CHEK2: variants seen among roughly 807,000 people sequenced by gnomAD.
CHEK2 encodes checkpoint kinase 2, also known as serine/threonine-protein kinase Chk2.
CHEK2 carries 71 observed loss-of-function variants against 69.1 expected under a neutral mutation model. That is an observed-to-expected ratio of 1.03 (90% CI 0.85 to 1.25). The LOEUF (loss-of-function observed/expected upper bound fraction) is 1.25, where lower values mean the gene tolerates loss of function less well. CHEK2 is among the 50% of genes most tolerant of loss of function. CHEK2 has a pLI of 0.00. For missense variants in CHEK2, 664 were observed against 649.6 expected (o/e 1.02, Z -0.24); for synonymous variants, 189 against 226.9 (o/e 0.83, Z 1.50).
At chr22:28,720,319 G>C (rs894381729) in intron 4 of CHEK2, among the ~76,000 whole-genome samples, 2 of 150,802 alleles carry the variant, frequency 1.3e-5, no homozygotes, top group Non-Finnish European at 2.9e-5. Flanking sequence ...TCGAACTCCT[G>C]ACCTCAGGTG....
At chr22:28,690,756 T>C (rs959888065) in intron 13 of CHEK2, among the ~76,000 whole-genome samples, 3 of 150,574 alleles carry the variant, frequency 2.0e-5, no homozygotes, top group Non-Finnish European at 2.9e-5. Context: ...ATCATGCCAC[T>C]GCACTCCAGC....
chr22:28,733,867 C>A (rs1421370493), intron 2 of CHEK2, among the ~76,000 whole-genome samples: 3 of 149,586 alleles, frequency 2.0e-5, no homozygotes, highest in African/African-American at 7.4e-5. Flanking sequence ...TGCAGTGAGC[C>A]GAGCCGAGAT....
intron 7 of CHEK2, among the ~76,000 whole-genome samples, chr22:28,708,628 T>C (rs2053259704): frequency 6.6e-6 from 1 of 151,746 alleles, no homozygotes. Flanking sequence ...TTTGGAGAGG[T>C]AGAAAAAGAG....
chr22:28,708,215 G>T (rs923427506), intron 7 of CHEK2, among the ~76,000 whole-genome samples: 1 of 152,044 alleles, frequency 6.6e-6, no homozygotes, highest in African/African-American at 2.4e-5. Context: ...TCCCAGCAGG[G>T]TATGGTGTGG....
intron 5 of CHEK2, among the ~76,000 whole-genome samples, chr22:28,717,754 C>T (rs950709009): frequency 6.6e-6 from 1 of 152,034 alleles, no homozygotes; most frequent in African/African-American, 2.4e-5. Context: ...TGGCGGGCAC[C>T]TGTAATCCCA....
At chr22:28,712,111 C>CATTCCATATTAGAATTTACAGAA in intron 5 of CHEK2, 94 bp from the exon 6 acceptor site, 1 of 887,594 alleles carries the variant, frequency 1.1e-6, no homozygotes. Flanking sequence ...AATTTACAGA[C>CATTCCATATTAGAATTTACAGAA]ATTCCATATA....
In CHEK2 at chr22:28,734,714, C is replaced by A. The variant is rs779607427; in HGVS notation, c.8G>T (p.Arg3Leu). Residue 3 changes from arginine to leucine, a missense_variant, in exon 2 of 15, where the codon CGG becomes CTG. Transcript: ENST00000404276. ...CTGCTGAGCCTCAACATCCGACTCCCGAGACATCACGACCTCAAAAAGAAA... is the reference window on the plus strand; with the variant it reads ...CTGCTGAGCCTCAACATCCGACTCCAGAGACATCACGACCTCAAAAAGAAA... Reference protein sequence around the residue: MSRESDVEAQQSH... With the variant: MSLESDVEAQQSH... The A allele has an allele frequency of 6.2e-6, 10 of 1,612,972 alleles. No individual in the cohort carries two copies. In the African/African-American group the frequency reaches 6.7e-5, roughly 11 times the overall value.
chr22:28,718,291 G>C (rs775837197), intron 5 of CHEK2, among the ~76,000 whole-genome samples: 1 of 152,140 alleles, frequency 6.6e-6, no homozygotes, highest in Admixed American at 6.6e-5. Context: ...TGTTGGAGAG[G>C]ATGTGAAGAA....
intron 4 of CHEK2, among the ~76,000 whole-genome samples, chr22:28,721,074 A>G (rs777488213): frequency 6.6e-6 from 1 of 152,220 alleles, no homozygotes; most frequent in Non-Finnish European, 1.5e-5. Context: ...GGATGTTCAC[A>G]TTACCACTGT....
In CHEK2 at chr22:28,724,964, A is replaced by C. The variant is rs1057521311; in HGVS notation, c.592+13T>G. The C allele has an allele frequency of 6.2e-7, 1 of 1,613,074 alleles. No homozygotes were observed. The highest frequency in any genetic ancestry group is 1.7e-5 in the Admixed American group (1 of 59,980). On this transcript the variant is annotated intron_variant, in intron 4 of 14. Transcript: ENST00000404276. ...AAAAAAAAATTCCAGTAACCATAAG[A>C]TAATAATATTACCTTTATTTCTGCT...
At chr22:28,697,846 G>A (rs1300130304) in intron 9 of CHEK2, among the ~76,000 whole-genome samples, 1 of 151,778 alleles carries the variant, frequency 6.6e-6, no homozygotes. Flanking sequence ...AAAGTGCTGG[G>A]ATTACAGGCA....
In CHEK2 at chr22:28,734,692, C is replaced by G. The variant is rs1330700030; in HGVS notation, c.30G>C (p.Gln10His). The G allele has an allele frequency of 6.2e-7, 1 of 1,613,700 alleles. No homozygotes were observed. The highest frequency in any genetic ancestry group is 8.5e-7 in the Non-Finnish European group (1 of 1,179,986). MSRESDVEA[Q>H]QSHGSSACSQ... Reference sequence around the variant, plus strand: ...AACAGGCACTGCTGCCATGAGACTGCTGAGCCTCAACATCCGACTCCCGAG... The same window carrying G: ...AACAGGCACTGCTGCCATGAGACTGGTGAGCCTCAACATCCGACTCCCGAG... The change falls in exon 2 of 15, where the codon CAG becomes CAC. Residue 10 changes from glutamine (Q) to histidine (H), a missense_variant. Transcript: ENST00000404276.
At chr22:28,735,912 T>C (rs367675714) in intron 1 of CHEK2, among the ~76,000 whole-genome samples, 3 of 151,738 alleles carry the variant, frequency 2.0e-5, no homozygotes, top group East Asian at 3.9e-4. Flanking sequence ...ATAAATAAAA[T>C]TTTAAAATAA....
chr22:28,714,830 G>A (rs961533334), intron 5 of CHEK2, among the ~76,000 whole-genome samples: 3 of 152,062 alleles, frequency 2.0e-5, no homozygotes, highest in African/African-American at 7.2e-5. Flanking sequence ...TGAGGTAAGG[G>A]TCCATGTAAC....
At chr22:28,731,874 T>C (rs987748078) in intron 2 of CHEK2, among the ~76,000 whole-genome samples, 1 of 152,078 alleles carries the variant, frequency 6.6e-6, no homozygotes, top group African/African-American at 2.4e-5. Flanking sequence ...TTTAGCCCTT[T>C]CTCACCATTT....
At chr22:28,729,540 C>CAAAAAAAAAAAAAAAAAAAAA (rs58149342) in intron 2 of CHEK2, among the ~76,000 whole-genome samples, 12 of 83,072 alleles carry the variant, frequency 1.4e-4, no homozygotes, top group East Asian at 7.1e-4. Flanking sequence ...GACTCCATCT[C>CAAAAAAAAAAAAAAAAAAAAA]AAAAAAAAAA....
At chr22:28,709,296 T>C (rs978751326) in intron 7 of CHEK2, among the ~76,000 whole-genome samples, 6 of 152,194 alleles carry the variant, frequency 3.9e-5, no homozygotes, top group Admixed American at 6.5e-5. Context: ...TTGGATTTAT[T>C]TGGATTACTC....
In CHEK2 at chr22:28,740,663, C is replaced by T. The variant is rs12159654; in HGVS notation, c.-7+1106G>A. Among the ~76,000 whole-genome samples, 529 of 152,246 alleles carry T rather than the reference C, an allele frequency of 3.5e-3. 2 individuals are homozygous for T. The highest frequency in any genetic ancestry group is 0.012 in the African/African-American group (504 of 41,544). On this transcript the variant is annotated intron_variant, in intron 1 of 14. Transcript: ENST00000404276. The stretch of plus-strand genomic sequence containing the variant: ...ACCACCAAGTAAACAGGGAGTACTA[C>T]GGAAAATTGCTTCCTTGGGAACTCC...
Position 28,725,289 on chromosome 22 carries a change from G to T in CHEK2, c.398C>A (p.Thr133Lys), listed in dbSNP as rs1346472987. The change falls in exon 3 of 15, where the codon ACA (threonine) becomes AAA (lysine). Residue 133 changes from threonine (T) to lysine (K), a missense_variant. Coordinates refer to ENST00000404276, the MANE Select transcript of CHEK2 (RefSeq NM_007194.4). ...YCFDEPLLKR[T>K]DKYRTYSKKH... ...CTTGCTGTATGTTCGGTATTTATCT[G>T]TTCTTTTCAGCAGTGGTTCATCAAA... is the stretch of plus-strand genomic sequence containing the variant. The T allele has an allele frequency of 6.2e-7, 1 of 1,614,080 alleles. No homozygotes were observed. Among genetic ancestry groups the T allele is most frequent in the Non-Finnish European group, 8.5e-7 (1 of 1,179,998 alleles).
Sources: allele counts gnomAD v4.1 joint callset (sites outside exome capture counted in the v4.1 genomes callset), GRCh38; gene constraint gnomAD v4.1.1; transcripts MANE v1.5; gene names NCBI Gene and HGNC (gene_info 2026-07-23, HGNC 2026-07-21).